The following CPNE7 variants were observed in gnomAD, a reference collection of about 807,000 sequenced individuals.
The protein encoded by CPNE7 is copine 7, also known as copine-7.
CPNE7 carries 78 observed loss-of-function variants against 66.5 expected under a neutral mutation model. That is an observed-to-expected ratio of 1.17 (90% CI 0.98 to 1.42). The LOEUF is 1.42. CPNE7 is among the 40% of genes most tolerant of loss of function. CPNE7 has a pLI of 0.00. For missense variants in CPNE7, 1,012 were observed against 776.6 expected, an observed-to-expected ratio of 1.30 and a Z score of -3.60; for synonymous variants, 468 against 336.7, an observed-to-expected ratio of 1.39 and a Z score of -4.27.
chr16:89,576,966 A>C (rs2058870189), intron 1 of CPNE7, among the ~76,000 whole-genome samples: 1 of 149,018 alleles, frequency 6.7e-6, no homozygotes, highest in South Asian at 2.2e-4. Context: ...CACCATCCCC[A>C]CGGAGGCCTC....
intron 2 of CPNE7, 81 bp from the exon 3 acceptor site, chr16:89,583,616 C>T (rs1013426953): frequency 3.1e-5 from 50 of 1,607,274 alleles, no homozygotes; most frequent in African/African-American, 5.4e-5. Flanking sequence ...GCCTGAGAGT[C>T]CGGGTGAGGG....
At chr16:89,591,439 G>T (rs1038302756) in intron 13 of CPNE7, among the ~76,000 whole-genome samples, 179 bp downstream of exon 13, 2 of 152,216 alleles carry the variant, frequency 1.3e-5, no homozygotes, top group African/African-American at 4.8e-5. Context: ...AAAGGTGCAG[G>T]TGTCTCGGGC....
At chr16:89,586,964 G>A (rs140261825) in intron 8 of CPNE7, 79 bp from the exon 9 acceptor site, 18,589 of 1,401,042 alleles carry the variant, frequency 0.013, 174 homozygotes, top group Non-Finnish European at 0.015. Context: ...GGCTGCCTGC[G>A]GGAGGCAGGC....
intron 2 of CPNE7, chr16:89,583,450 T>A (rs1448679836): frequency 6.4e-7 from 1 of 1,550,484 alleles, no homozygotes; most frequent in Admixed American, 2.0e-5. Flanking sequence ...ATAGGTATGA[T>A]GACCTCTGCC....
In CPNE7 at chr16:89,591,265, G is replaced by GT; in HGVS notation, c.1302+6dup. On this transcript the variant is annotated splice_donor_region_variant and intron_variant, in intron 13 of 14. Coordinates refer to ENST00000319518, the MANE Select transcript of CPNE7 (RefSeq NM_153636.3). ...GAGAGCACCGGGAAAGCCTCTGTAG[G>GT]TGCCCGGGGGGTGTGGTGCATGCTT... The GT allele has an allele frequency of 6.4e-7, 1 of 1,567,944 alleles. No homozygotes were observed. The highest frequency in any genetic ancestry group is 8.6e-7 in the Non-Finnish European group (1 of 1,157,404).
intron 1 of CPNE7, 110 bp downstream of exon 1, chr16:89,576,181 GC>G (rs2058856202): frequency 9.6e-6 from 9 of 937,088 alleles, no homozygotes; most frequent in Middle Eastern, 3.8e-4. Context: ...GCAAGGCGGG[GC>G]CCCCCGGAGC....
At chr16:89,591,867 A>C (rs2059176109) in intron 13 of CPNE7, among the ~76,000 whole-genome samples, 1 of 150,922 alleles carries the variant, frequency 6.6e-6, no homozygotes, top group Admixed American at 6.6e-5. Context: ...CTTCTGGCTA[A>C]TTTTTGTATT....
chr16:89,577,156 C>G (rs2058872918), intron 1 of CPNE7, among the ~76,000 whole-genome samples: 1 of 152,184 alleles, frequency 6.6e-6, no homozygotes, highest in African/African-American at 2.4e-5. Context: ...CCCATGGTAC[C>G]CCAGCCAGGA....
Position 89,586,567 on chromosome 16 carries a change from C to T in CPNE7, c.781-103C>T, listed in dbSNP as rs1053859630. The T allele has an allele frequency of 3.7e-4, 329 of 892,182 alleles. 1 individual carries two copies. The highest frequency in any genetic ancestry group is 3.2e-4 in the South Asian group (22 of 68,368). 55.3% of individuals were successfully genotyped at this position (892,182 alleles called of 1,614,324 possible). A position where few individuals can be genotyped will look rare whatever the true frequency, so the allele number is the denominator to read the frequency against. On this transcript the variant is annotated intron_variant, in intron 7 of 14. Transcript: ENST00000319518. Reference sequence around the variant, plus strand: ...GTGCCCTCCCCTCCCCTCCCCACCACGGGGCCCTCTGCCGTCGCTATTGGG... The same window carrying T: ...GTGCCCTCCCCTCCCCTCCCCACCATGGGGCCCTCTGCCGTCGCTATTGGG...
intron 9 of CPNE7, among the ~76,000 whole-genome samples, chr16:89,587,329 G>GCCCCC (rs2059069228): frequency 3.8e-4 from 1 of 2,658 alleles, no homozygotes; most frequent in African/African-American, 1.6e-3. Flanking sequence ...CTCAGTCCGT[G>GCCCCC]GCCCCGCCCC....
intron 9 of CPNE7, among the ~76,000 whole-genome samples, 197 bp from the exon 10 acceptor site, chr16:89,588,478 G>GAGGAGAC (rs1281004725): frequency 6.6e-6 from 1 of 152,130 alleles, no homozygotes; most frequent in Non-Finnish European, 1.5e-5. Flanking sequence ...GAGCCTAGGG[G>GAGGAGAC]CTGGCAGGTT....
intron 10 of CPNE7, among the ~76,000 whole-genome samples, chr16:89,589,520 G>A (rs1158856698): frequency 2.0e-5 from 3 of 152,156 alleles, no homozygotes; most frequent in South Asian, 2.1e-4. Flanking sequence ...TGGGGCTTGG[G>A]AGAGGATGCC....
intron 12 of CPNE7, 34 bp from the exon 13 acceptor site, chr16:89,591,093 C>G (rs757498466): frequency 6.2e-7 from 1 of 1,613,158 alleles, no homozygotes; most frequent in Non-Finnish European, 8.5e-7. Context: ...GAGGGGAGTG[C>G]AGGGGGGCCG....
Position 89,584,703 on chromosome 16 carries a change from G to T in CPNE7, c.508-71G>T. ...TGGCATGAAGTGAGCCCTGGGAAAC[G>T]ACAAAGCCAGCTCCCATCCAAAGCC... is the stretch of plus-strand genomic sequence containing the variant. On this transcript the variant is annotated intron_variant, in intron 4 of 14. Transcript: ENST00000319518. This position sits in a 1 kb window ranked among gnomAD's most constrained non-coding sequence, Gnocchi z 6.0. The T allele has an allele frequency of 8.3e-7, 1 of 1,207,740 alleles. No individual in the cohort carries two copies. The highest frequency in any genetic ancestry group is 1.2e-6 in the Non-Finnish European group (1 of 829,314). The allele number at this position is 1,207,740 out of a possible 1,614,324, so 74.8% of individuals were successfully genotyped here.
At chr16:89,590,939 C>T (rs866760084) in intron 11 of CPNE7, 68 bp from the exon 12 acceptor site, 23 of 1,571,010 alleles carry the variant, frequency 1.5e-5, no homozygotes, top group African/African-American at 2.7e-5. Context: ...AGCAGCTGAC[C>T]GAGGGACATG....
chr16:89,591,537 G>A lies in CPNE7; in HGVS notation c.1302+277G>A, dbSNP rs866032219. On this transcript the variant is annotated intron_variant, in intron 13 of 14. Coordinates refer to ENST00000319518, the MANE Select transcript of CPNE7 (RefSeq NM_153636.3). Reference sequence around the variant, plus strand: ...CTTCCTCTGGGCACCACAAGGCCGCGCACATGTCTACTGTTTGGCTGTGTG... The same window carrying A: ...CTTCCTCTGGGCACCACAAGGCCGCACACATGTCTACTGTTTGGCTGTGTG... 2.6e-5 allele frequency among the ~76,000 whole-genome samples: 4 copies of A among 152,186 alleles called. No individual in the cohort carries two copies. In the South Asian group the frequency reaches 6.2e-4, roughly 24 times the overall value.
chr16:89,588,733 A>G lies in CPNE7; in HGVS notation c.986A>G (p.Tyr329Cys), dbSNP rs1355232975. ...GDPRNSCSLH[Y>C]INPYQPNEYL... is the part of the protein sequence containing the mutation. ...CCGCGGAACAGCTGCTCCCTGCACTACATCAACCCCTACCAGCCGAACGAG... is the reference window on the plus strand; with the variant it reads ...CCGCGGAACAGCTGCTCCCTGCACTGCATCAACCCCTACCAGCCGAACGAG... The change falls in exon 10 of 15, where the codon TAC becomes TGC. Residue 329 changes from tyrosine to cysteine, a missense_variant. Transcript: ENST00000319518. The G allele has an allele frequency of 1.9e-6, 3 of 1,613,640 alleles. No individual in the cohort carries two copies. The highest frequency in any genetic ancestry group is 4.5e-5 in the East Asian group (2 of 44,874).
intron 10 of CPNE7, 38 bp from the exon 11 acceptor site, chr16:89,589,859 G>C (rs1255973263): frequency 6.2e-7 from 1 of 1,612,502 alleles, no homozygotes; most frequent in Non-Finnish European, 8.5e-7. Flanking sequence ...AGCCACAAGA[G>C]GTCAGGGCCT....
intron 10 of CPNE7, among the ~76,000 whole-genome samples, chr16:89,589,569 G>T (rs1358962076): frequency 6.6e-6 from 1 of 152,180 alleles, no homozygotes; most frequent in Non-Finnish European, 1.5e-5. Flanking sequence ...TTCTGGGTTG[G>T]TGAGGGCCAC....
Sources: gnomAD v4.1 joint callset for allele counts (sites outside exome capture counted in the v4.1 genomes callset) on GRCh38, gnomAD v4.1.1 for gene constraint, Gnocchi (gnomAD v3.1) non-coding constraint, MANE v1.5 for transcripts, NCBI Gene and HGNC (gene_info 2026-07-23, HGNC 2026-07-21) for gene names.